MDGA2: variants seen among roughly 807,000 people sequenced by gnomAD.
MDGA2 encodes MAM domain-containing glycosylphosphatidylinositol anchor protein 2.
A neutral mutation model predicts 117.8 loss-of-function variants in MDGA2; 40 were observed. That is an observed-to-expected ratio of 0.34 (90% CI 0.26 to 0.44). The LOEUF is 0.44. Among genes scored for constraint, MDGA2 ranks in the 20% least tolerant of loss-of-function variants. The probability of loss-of-function intolerance (pLI) is 1.00; values close to 1 mark genes in which losing one functional copy is unlikely to be tolerated. For missense variants in MDGA2, 1,123 were observed against 1,250.6 expected (o/e 0.90, Z 1.54); for synonymous variants, 452 against 439.0 (o/e 1.03, Z -0.37).
At chr14:47,065,904 C>T (rs915867548) in intron 6 of MDGA2, among the ~76,000 whole-genome samples, 5 of 152,076 alleles carry the variant, frequency 3.3e-5, no homozygotes, top group Non-Finnish European at 5.9e-5. Context: ...TCTGGACAAC[C>T]TAAAGGACTG....
intron 6 of MDGA2, among the ~76,000 whole-genome samples, chr14:47,085,341 C>G (rs552020030): frequency 6.6e-6 from 1 of 152,176 alleles, no homozygotes; most frequent in African/African-American, 2.4e-5. Flanking sequence ...GTACAACAAT[C>G]AAGAAAACCT....
rs11624289 is a variant in MDGA2, at chr14:46,840,950, G to A, written c.*981C>T. 6,035 of 152,646 alleles carry A rather than the reference G, an allele frequency of 0.04. 165 individuals are homozygous for A. Among genetic ancestry groups the A allele is most frequent in the Non-Finnish European group, 0.056 (3,810 of 67,994 alleles). 9.5% of individuals were successfully genotyped at this position (152,646 alleles called of 1,614,324 possible). On this transcript the variant is annotated 3_prime_UTR_variant, in exon 17 of 17. Coordinates refer to ENST00000399232, the MANE Select transcript of MDGA2 (RefSeq NM_001113498.3). ...AAATATCTTGTCTGCATGGGCTTAC[G>A]CAGCAGCTTCGGTCCTTTCTTCTTC...
At chr14:47,559,555 G>A (rs534955816) in intron 1 of MDGA2, among the ~76,000 whole-genome samples, 4 of 151,104 alleles carry the variant, frequency 2.6e-5, no homozygotes, top group Non-Finnish European at 5.9e-5. Flanking sequence ...GAACATATGA[G>A]TACAAGTTTT....
intron 9 of MDGA2, among the ~76,000 whole-genome samples, chr14:46,930,976 G>T (rs1455089981): frequency 6.6e-6 from 1 of 151,992 alleles, no homozygotes; most frequent in African/African-American, 2.4e-5. Flanking sequence ...TAATGCTTTG[G>T]GAGGCCGAGG....
intron 1 of MDGA2, among the ~76,000 whole-genome samples, chr14:47,555,613 A>G (rs1182052883): frequency 1.3e-5 from 2 of 152,196 alleles, no homozygotes; most frequent in Non-Finnish European, 2.9e-5. Flanking sequence ...AGAGTTAAAA[A>G]TATTTACACT....
chr14:47,082,284 G>C (rs1435850671), intron 6 of MDGA2, among the ~76,000 whole-genome samples: 1 of 148,186 alleles, frequency 6.7e-6, no homozygotes, highest in Non-Finnish European at 1.5e-5. Context: ...GAAAGTATCA[G>C]ATATCAGTTC....
chr14:47,592,048 G>A (rs1308276699), intron 1 of MDGA2, among the ~76,000 whole-genome samples: 4 of 151,846 alleles, frequency 2.6e-5, no homozygotes, highest in African/African-American at 9.7e-5. Flanking sequence ...CAAAATCTAA[G>A]GAAAAAAAAT....
chr14:47,183,829 G>A (rs1884803700), intron 3 of MDGA2, among the ~76,000 whole-genome samples: 1 of 151,940 alleles, frequency 6.6e-6, no homozygotes, highest in Admixed American at 6.6e-5. Context: ...TTCCTGACAT[G>A]AAAATCCCCT....
Position 46,895,769 on chromosome 14 carries a change from A to G in MDGA2, c.2239-13548T>C, listed in dbSNP as rs1320528477. Among the ~76,000 whole-genome samples the G allele has an allele frequency of 4.6e-5, 7 of 152,062 alleles. No homozygotes were observed. The East Asian group carries it at 1.4e-3, about 29-fold the overall frequency. On this transcript the variant is annotated intron_variant, in intron 10 of 16. Coordinates refer to ENST00000399232, the MANE Select transcript of MDGA2 (RefSeq NM_001113498.3). ...AGAATAACTAGGTATATTTCTATAA[A>G]CCTACAGGATATTTTACTACTGCTA...
intron 2 of MDGA2, among the ~76,000 whole-genome samples, chr14:47,290,380 G>A (rs1462507337): frequency 1.3e-5 from 2 of 152,074 alleles, no homozygotes; most frequent in Non-Finnish European, 2.9e-5. Flanking sequence ...CATGGAATCT[G>A]CAGGTGCCTT....
intron 7 of MDGA2, among the ~76,000 whole-genome samples, chr14:47,036,270 CAAAAAAAAAAAAAA>C (rs11310113): frequency 1.3e-5 from 1 of 74,444 alleles, no homozygotes; most frequent in Non-Finnish European, 2.4e-5. Context: ...ACTCTGTCTC[CAAAAAAAAAAAAAA>C]AAAAAAAAAG....
intron 6 of MDGA2, among the ~76,000 whole-genome samples, chr14:47,075,433 T>C (rs1354135699): frequency 2.6e-5 from 4 of 152,194 alleles, no homozygotes; most frequent in Non-Finnish European, 5.9e-5. Context: ...TATTACCAAG[T>C]AGTCATCAGA....
intron 1 of MDGA2, among the ~76,000 whole-genome samples, chr14:47,578,612 C>T (rs1896169829): frequency 6.6e-6 from 1 of 152,058 alleles, no homozygotes; most frequent in African/African-American, 2.4e-5. Flanking sequence ...TACTAATTGT[C>T]TTTCTTCTCA....
intron 1 of MDGA2, among the ~76,000 whole-genome samples, chr14:47,485,073 C>T (rs1894031480): frequency 6.6e-6 from 1 of 152,044 alleles, no homozygotes; most frequent in Non-Finnish European, 1.5e-5. Context: ...AACTGGGTAA[C>T]AAGCAGAGGT....
intron 10 of MDGA2, among the ~76,000 whole-genome samples, chr14:46,913,912 C>G (rs996864113): frequency 2.6e-5 from 4 of 151,890 alleles, no homozygotes; most frequent in African/African-American, 9.7e-5. Context: ...AATGGGAGAG[C>G]AAATAAGTAT....
chr14:47,131,808 A>C lies in MDGA2; in HGVS notation c.831T>G (p.Pro277=). 6.3e-7 allele frequency: 1 copy of C among 1,593,434 alleles called. No individual in the cohort carries two copies. The highest frequency in any genetic ancestry group is 8.6e-7 in the Non-Finnish European group (1 of 1,164,792). ...TGCAGCTATAATTAGCATAGTCCTG[A>C]GGTCGAAGATTCTTTAGTTTTAAGA... The part of the protein sequence containing the change: ...TKILKLKNLR[P]QDYANYSCIA... The change falls in exon 5 of 17, where the codon CCT becomes CCG. Residue 277 remains proline, a synonymous_variant. Transcript: ENST00000399232.
At chr14:47,060,296 T>C (rs922194931) in intron 7 of MDGA2, among the ~76,000 whole-genome samples, 3 of 151,976 alleles carry the variant, frequency 2.0e-5, no homozygotes, top group African/African-American at 7.2e-5. Flanking sequence ...TCTTAAGGAG[T>C]AAAATCAATC....
intron 2 of MDGA2, among the ~76,000 whole-genome samples, chr14:47,231,738 T>G (rs1430436871): frequency 1.4e-5 from 2 of 143,990 alleles, no homozygotes; most frequent in African/African-American, 2.5e-5. Flanking sequence ...AAAAAAAAAT[T>G]GAACCTTCGT....
intron 1 of MDGA2, among the ~76,000 whole-genome samples, chr14:47,447,592 G>A (rs1369816497): frequency 6.6e-6 from 1 of 152,078 alleles, no homozygotes. Flanking sequence ...CATTCTATGG[G>A]GGCATACAGT....
Sources: gnomAD v4.1 joint callset for allele counts (sites outside exome capture counted in the v4.1 genomes callset) on GRCh38, gnomAD v4.1.1 for gene constraint, MANE v1.5 for transcripts, NCBI Gene and HGNC (gene_info 2026-07-23, HGNC 2026-07-21) for gene names.